Variants in ITGA4 observed in about 807,000 individuals in gnomAD.
The protein encoded by ITGA4 is integrin alpha-4.
A neutral mutation model predicts 133.6 loss-of-function variants in ITGA4; 63 were observed. The ratio of observed to expected loss-of-function variants is 0.47; its 90% CI spans 0.38 to 0.58. ITGA4 has a LOEUF of 0.58. Among genes scored for constraint, ITGA4 ranks in the 20% least tolerant of loss-of-function variants. ITGA4 has a pLI of 0.00. For synonymous variants in ITGA4, 483 were observed against 438.0 expected (o/e 1.10, Z -1.28); for missense variants, 1,076 against 1,252.7 (o/e 0.86, Z 2.13).
rs1559062146 is a variant in ITGA4, at chr2:181,536,818, A to ATATCATTT, written c.*1296_*1303dup. 1 of 329,050 alleles carries ATATCATTT rather than the reference A, an allele frequency of 3.0e-6. No homozygotes were observed. The highest frequency in any genetic ancestry group is 2.6e-5 in the South Asian group (1 of 39,172). 20.4% of individuals were successfully genotyped at this position (329,050 alleles called of 1,614,324 possible). Reference sequence around the variant, plus strand: ...TGCTTATGATCTAGATAATTGCAGAATATCATTTTATCTGACTCTGCCTTC... The same window carrying ATATCATTT: ...TGCTTATGATCTAGATAATTGCAGAATATCATTTTATCATTTTATCTGACTCTGCCTTC... On this transcript the variant is annotated 3_prime_UTR_variant, in exon 28 of 28. Transcript: ENST00000397033.
intron 2 of ITGA4, among the ~76,000 whole-genome samples, chr2:181,465,609 A>G (rs1685393210): frequency 6.6e-6 from 1 of 152,176 alleles, no homozygotes; most frequent in Non-Finnish European, 1.5e-5. Context: ...AATCCAAGAG[A>G]TTAATTGAAA....
Position 181,496,061 on chromosome 2 carries a change from T to C in ITGA4, c.1540+124T>C. The C allele has an allele frequency of 2.2e-6, 2 of 905,994 alleles. 1 individual carries two copies. The highest frequency in any genetic ancestry group is 3.4e-6 in the Non-Finnish European group (2 of 585,786). 56.1% of individuals were successfully genotyped at this position (905,994 alleles called of 1,614,324 possible). A position where few individuals can be genotyped will look rare whatever the true frequency, so the allele number is the denominator to read the frequency against. ...CTTCTTTAGAGCGGGGGAGAGAAGC[T>C]ACCTGATGCATGCTTTTCCTCTCCA... On this transcript the variant is annotated intron_variant, in intron 14 of 27. Coordinates refer to ENST00000397033, the MANE Select transcript of ITGA4 (RefSeq NM_000885.6).
In ITGA4 at chr2:181,523,858, T is replaced by C. The variant is rs1219663663; in HGVS notation, c.2170-313T>C. On this transcript the variant is annotated intron_variant, in intron 19 of 27. Coordinates refer to ENST00000397033, the MANE Select transcript of ITGA4 (RefSeq NM_000885.6). This position sits in a 1 kb window ranked among gnomAD's most constrained non-coding sequence, Gnocchi z 4.2. ...TCTGCCAGGCATGTTACCTCTGCTA[T>C]ACAAAAAGGTGTTTTTGGCAAGAGT... 6.6e-6 allele frequency among the ~76,000 whole-genome samples: 1 copy of C among 152,194 alleles called. No homozygotes were observed. Among genetic ancestry groups the C allele is most frequent in the African/African-American group, 2.4e-5 (1 of 41,452 alleles).
At chr2:181,471,133 A>G (rs1685539955) in intron 2 of ITGA4, among the ~76,000 whole-genome samples, 1 of 152,226 alleles carries the variant, frequency 6.6e-6, no homozygotes, top group Non-Finnish European at 1.5e-5. Flanking sequence ...TGATTGTTTC[A>G]TGACTATTTC....
intron 11 of ITGA4, among the ~76,000 whole-genome samples, chr2:181,494,347 C>T (rs183614764): frequency 2.4e-4 from 36 of 152,232 alleles, no homozygotes; most frequent in African/African-American, 8.7e-4. Flanking sequence ...TGGTACACAC[C>T]TGTAATCTCA....
At chr2:181,458,964 G>A (rs574755478) in intron 2 of ITGA4, 1 of 152,506 alleles carries the variant, frequency 6.6e-6, no homozygotes, top group South Asian at 2.1e-4. Context: ...TGAAAAATGT[G>A]TACTGATAGA....
chr2:181,467,031 A>G (rs1267997120), intron 2 of ITGA4, among the ~76,000 whole-genome samples: 1 of 152,116 alleles, frequency 6.6e-6, no homozygotes, highest in African/African-American at 2.4e-5. Flanking sequence ...TATTTTTCCT[A>G]ATCTGAAGTT....
At position 181,484,554 on chromosome 2, in the gene ITGA4, G is replaced by A. The variant is rs187312643; in HGVS notation, c.1042-1327G>A. Among the ~76,000 whole-genome samples the A allele has an allele frequency of 4.7e-3, 719 of 152,232 alleles. 1 individual carries two copies. Among genetic ancestry groups the A allele is most frequent in the Non-Finnish European group, 5.9e-3 (401 of 68,010 alleles). Reference sequence around the variant, plus strand: ...GACTCCTTTGAATCAATCATTCACTGCTTCAGTGTCAGTGATTATATTTAT... The same window carrying A: ...GACTCCTTTGAATCAATCATTCACTACTTCAGTGTCAGTGATTATATTTAT... On this transcript the variant is annotated intron_variant, in intron 9 of 27. Transcript: ENST00000397033.
chr2:181,471,718 C>T (rs3770129), intron 2 of ITGA4, among the ~76,000 whole-genome samples: 18,596 of 152,132 alleles, frequency 0.12, 1,308 homozygotes, highest in Admixed American at 0.18. Context: ...TACACACCTG[C>T]CATATGTTTT....
intron 2 of ITGA4, among the ~76,000 whole-genome samples, chr2:181,462,832 T>C (rs1457912833): frequency 6.6e-6 from 1 of 152,218 alleles, no homozygotes; most frequent in African/African-American, 2.4e-5. Flanking sequence ...CTTGAAAATA[T>C]ATCCCCTTGG....
At position 181,523,458 on chromosome 2, in the gene ITGA4, G is replaced by A. The variant is rs1403638072; in HGVS notation, c.2095G>A (p.Glu699Lys). 1 of 1,607,808 alleles carries A rather than the reference G, an allele frequency of 6.2e-7. No individual in the cohort carries two copies. The highest frequency in any genetic ancestry group is 8.5e-7 in the Non-Finnish European group (1 of 1,174,578). The change falls in exon 19 of 28, where the codon GAA becomes AAA. Residue 699 changes from glutamate (E) to lysine (K), a missense_variant. Transcript: ENST00000397033. This position sits in a 1 kb window ranked among gnomAD's most constrained non-coding sequence, Gnocchi z 4.2. ...LELEEKQINC[E>K]VTDNSGVVQL... ...TTAGGAAGAGAAGCAAATAAACTGT[G>A]AAGTCACAGATAACTCTGGCGTGGT...
chr2:181,472,967 G>A (rs1685590448), intron 2 of ITGA4, among the ~76,000 whole-genome samples: 2 of 152,142 alleles, frequency 1.3e-5, no homozygotes, highest in Non-Finnish European at 2.9e-5. Flanking sequence ...ATCAACCCCA[G>A]CATTCTTTGT....
chr2:181,458,240 C>T lies in ITGA4; in HGVS notation c.242C>T (p.Ser81Leu). The T allele has an allele frequency of 6.2e-7, 1 of 1,613,752 alleles. No homozygotes were observed. Residue 81 changes from serine to leucine, a missense_variant, in exon 2 of 28, where the codon TCA becomes TTA. Physicochemically the swap from Ser to Leu is moderately radical, Grantham distance 145. Transcript: ENST00000397033. ...APTANWLANASVINPGAIYRC... is the reference protein window; with the variant it reads ...APTANWLANALVINPGAIYRC... ...ACTGCCAACTGGCTCGCCAACGCTT[C>T]AGTGATCAATCCCGGGGCGATTTAC...
Position 181,538,123 on chromosome 2 carries a change from TG to T in ITGA4, c.*2598del, listed in dbSNP as rs1559065644. On this transcript the variant is annotated 3_prime_UTR_variant, in exon 28 of 28. Coordinates refer to ENST00000397033, the MANE Select transcript of ITGA4 (RefSeq NM_000885.6). ...GGGTGGGGACCACAGGTTTAAAGCA[TG>T]GCCACATTTCTTTATATTAAAATTC... 3.4e-6 allele frequency: 4 copies of T among 1,174,252 alleles called. No homozygotes were observed. In the Admixed American group the frequency reaches 6.9e-5, roughly 20 times the overall value. 72.7% of individuals were successfully genotyped at this position (1,174,252 alleles called of 1,614,324 possible).
Position 181,509,641 on chromosome 2 carries a change from G to A in ITGA4, c.1696-17G>A, listed in dbSNP as rs753635031. 13 of 1,545,346 alleles carry A rather than the reference G, an allele frequency of 8.4e-6. No individual in the cohort carries two copies. In the African/African-American group the frequency reaches 9.8e-5, roughly 12 times the overall value. Reference sequence around the variant, plus strand: ...GTGCTTGTTTTTGTTAATTCATATGGTGGTTATTTTCCTTAGAAAGATGTG... The same window carrying A: ...GTGCTTGTTTTTGTTAATTCATATGATGGTTATTTTCCTTAGAAAGATGTG... On this transcript the variant is annotated splice_polypyrimidine_tract_variant and intron_variant, in intron 15 of 27. Transcript: ENST00000397033.
intron 15 of ITGA4, among the ~76,000 whole-genome samples, chr2:181,503,143 A>G (rs1164991423): frequency 6.6e-6 from 1 of 152,112 alleles, no homozygotes; most frequent in East Asian, 1.9e-4. Context: ...AAAGTGAGGA[A>G]AAGATTGAAT....
At chr2:181,521,322 C>G (rs1686716451) in intron 17 of ITGA4, among the ~76,000 whole-genome samples, 1 of 152,150 alleles carries the variant, frequency 6.6e-6, no homozygotes, top group Admixed American at 6.6e-5. Flanking sequence ...GCAATTGTTT[C>G]AAGACTTCAG....
At chr2:181,515,145 C>A (rs994396800) in intron 17 of ITGA4, among the ~76,000 whole-genome samples, 1 of 152,046 alleles carries the variant, frequency 6.6e-6, no homozygotes, top group Non-Finnish European at 1.5e-5. Context: ...ACACTGAAAC[C>A]TAAGAACCAA....
chr2:181,530,263 C>A (rs748153663), intron 23 of ITGA4, among the ~76,000 whole-genome samples: 2 of 152,214 alleles, frequency 1.3e-5, no homozygotes, highest in Non-Finnish European at 2.9e-5. Flanking sequence ...GTTCCAATAT[C>A]ATTTTTCACA....
Sources: gnomAD v4.1 joint callset for allele counts (sites outside exome capture counted in the v4.1 genomes callset) on GRCh38, gnomAD v4.1.1 for gene constraint, Gnocchi (gnomAD v3.1) non-coding constraint, MANE v1.5 for transcripts, NCBI Gene and HGNC (gene_info 2026-07-23, HGNC 2026-07-21) for gene names.